The following MAK variants were observed in gnomAD, a reference collection of about 807,000 sequenced individuals.
The protein encoded by MAK is serine/threonine-protein kinase MAK.
A neutral mutation model predicts 82.6 loss-of-function variants in MAK; 65 were observed. That is an observed-to-expected ratio of 0.79 (90% CI 0.64 to 0.97). The LOEUF (loss-of-function observed/expected upper bound fraction) is 0.97, where lower values mean the gene tolerates loss of function less well. Among genes scored for constraint, MAK ranks in the 50% least tolerant of loss-of-function variants. MAK has a pLI of 0.00. For missense variants in MAK, 703 were observed against 780.2 expected (o/e 0.90, Z 1.18); for synonymous variants, 250 against 274.2 (o/e 0.91, Z 0.87).
Position 10,793,403 on chromosome 6 carries a change from CA to C in MAK, c.1144-1557del. On this transcript the variant is annotated intron_variant, in intron 9 of 14. Transcript: ENST00000354489. The surrounding 1 kb of genome is among the most constrained non-coding windows in gnomAD (Gnocchi z 4.6). Reference sequence around the variant, plus strand: ...TCTATTCATCATGAAGATTCAGGAGCAAAACAGACAACTAAACAAATACACA... The same window carrying C: ...TCTATTCATCATGAAGATTCAGGAGCAAACAGACAACTAAACAAATACACA... Among the ~76,000 whole-genome samples, 1 of 152,012 alleles carries C rather than the reference CA, an allele frequency of 6.6e-6. No homozygotes were observed. The highest frequency in any genetic ancestry group is 1.9e-4 in the East Asian group (1 of 5,190).
intron 10 of MAK, among the ~76,000 whole-genome samples, chr6:10,790,975 A>T (rs151140606): frequency 1.6e-4 from 24 of 152,248 alleles, no homozygotes; most frequent in Admixed American, 4.6e-4. Flanking sequence ...TTGCCATGTG[A>T]CAGGCTGGAT....
intron 1 of MAK, chr6:10,838,182 C>G (rs914114732): frequency 6.6e-6 from 1 of 152,294 alleles, no homozygotes; most frequent in African/African-American, 2.4e-5. Flanking sequence ...GGCTAAGGGA[C>G]GCCCGGCCGT....
chr6:10,773,534 T>C (rs1480109890), intron 12 of MAK, among the ~76,000 whole-genome samples: 1 of 152,188 alleles, frequency 6.6e-6, no homozygotes, highest in Admixed American at 6.6e-5. Flanking sequence ...TCAAAGTTTT[T>C]TGATCCAATA....
At position 10,800,239 on chromosome 6, in the gene MAK, C is replaced by T. The variant is rs993977111; in HGVS notation, c.831+1653G>A. 6.6e-6 allele frequency among the ~76,000 whole-genome samples: 1 copy of T among 151,868 alleles called. No individual in the cohort carries two copies. The highest frequency in any genetic ancestry group is 2.4e-5 in the African/African-American group (1 of 41,330). On this transcript the variant is annotated intron_variant, in intron 8 of 14. Transcript: ENST00000354489. This position sits in a 1 kb window ranked among gnomAD's most constrained non-coding sequence, Gnocchi z 4.2. ...GGAGATCATGCCACTACACTCCAGC[C>T]TGGGCAACAGAAACTCCATCTCAAA...
rs533076711 is a variant in MAK at position 10,825,574 on chromosome 6, C to T, written c.101+4974G>A. Among the ~76,000 whole-genome samples the T allele has an allele frequency of 4.6e-5, 7 of 152,190 alleles. No individual in the cohort carries two copies. The South Asian group carries it at 1.5e-3, about 32-fold the overall frequency. On this transcript the variant is annotated intron_variant, in intron 2 of 14. Transcript: ENST00000354489. ...GCACCTCTGTTTTGAGATTTAAATG[C>T]AAATATTCAATTGACTAAAAGTCAT... is the stretch of plus-strand genomic sequence containing the variant.
In MAK at chr6:10,777,711, TC is replaced by T. The variant is rs532890114; in HGVS notation, c.1466-2253del. On this transcript the variant is annotated intron_variant, in intron 11 of 14. Coordinates refer to ENST00000354489, the MANE Select transcript of MAK (RefSeq NM_001242957.3). ...TGGAGTGCAATGGCGTGATCTCAGCTCACCAAAACCTCCACCTCCCAGGTTC... is the reference window on the plus strand; with the variant it reads ...TGGAGTGCAATGGCGTGATCTCAGCTACCAAAACCTCCACCTCCCAGGTTC... 8.5e-5 allele frequency among the ~76,000 whole-genome samples: 13 copies of T among 152,258 alleles called. No individual in the cohort carries two copies. In the South Asian group the frequency reaches 2.7e-3, roughly 32 times the overall value.
At chr6:10,772,934 A>G in intron 13 of MAK, 100 bp downstream of exon 13, 4 of 760,006 alleles carry the variant, frequency 5.3e-6, no homozygotes, top group Non-Finnish European at 9.0e-6. Context: ...AAAGCGGATC[A>G]TCTCGGCCTT....
chr6:10,832,337 G>A (rs1778871213), intron 1 of MAK, among the ~76,000 whole-genome samples: 1 of 152,238 alleles, frequency 6.6e-6, no homozygotes, highest in African/African-American at 2.4e-5. Context: ...TGAGAAGACT[G>A]ACTTCAATTT....
intron 9 of MAK, among the ~76,000 whole-genome samples, chr6:10,792,240 G>A (rs1775151159): frequency 6.6e-6 from 1 of 152,184 alleles, no homozygotes; most frequent in Non-Finnish European, 1.5e-5. Flanking sequence ...GCTGGCATGT[G>A]CCAGCATCTT....
In MAK at chr6:10,803,752, T is replaced by G; in HGVS notation, c.631A>C (p.Lys211Gln). 1 of 1,614,092 alleles carries G rather than the reference T, an allele frequency of 6.2e-7. No individual in the cohort carries two copies. The highest frequency in any genetic ancestry group is 8.5e-7 in the Non-Finnish European group (1 of 1,180,012). ...GGAGTCCCTAAAACTTGGCAAATTT[T>G]AAAGATTTCATCGACCTCACTTGTC... is the stretch of plus-strand genomic sequence containing the variant. The part of the protein sequence containing the change: ...PGTSEVDEIF[K>Q]ICQVLGTPKK... Residue 211 changes from lysine to glutamine, a missense_variant, in exon 7 of 15, where the codon AAA becomes CAA. Transcript: ENST00000354489.
intron 9 of MAK, among the ~76,000 whole-genome samples, chr6:10,795,121 G>A (rs1003615968): frequency 6.6e-6 from 1 of 152,068 alleles, no homozygotes; most frequent in African/African-American, 2.4e-5. Context: ...TGGAGTACCC[G>A]ATTCTTTTAA....
intron 2 of MAK, chr6:10,826,448 C>G (rs140659492): frequency 6.6e-6 from 1 of 152,130 alleles, no homozygotes; most frequent in African/African-American, 2.4e-5. Flanking sequence ...TATTTTGTCC[C>G]GATCATGAAA....
chr6:10,834,439 A>G (rs1779021699), intron 1 of MAK, among the ~76,000 whole-genome samples: 1 of 152,190 alleles, frequency 6.6e-6, no homozygotes, highest in African/African-American at 2.4e-5. Flanking sequence ...CTTCTAAACA[A>G]GCCATTCTTA....
intron 2 of MAK, among the ~76,000 whole-genome samples, chr6:10,820,128 A>G (rs1186955359): frequency 1.3e-5 from 2 of 152,100 alleles, no homozygotes; most frequent in African/African-American, 4.8e-5. Flanking sequence ...AAAAATTTAA[A>G]AAAAACAGGA....
chr6:10,783,680 T>C (rs1354957245), intron 11 of MAK, among the ~76,000 whole-genome samples: 1 of 152,180 alleles, frequency 6.6e-6, no homozygotes, highest in Non-Finnish European at 1.5e-5. Context: ...TTTGCCTCTC[T>C]TGAGTTCCCA....
Position 10,795,287 on chromosome 6 carries a change from C to G in MAK, c.1143+711G>C, listed in dbSNP as rs1329407610. On this transcript the variant is annotated intron_variant, in intron 9 of 14. Coordinates refer to ENST00000354489, the MANE Select transcript of MAK (RefSeq NM_001242957.3). ...GCCAACATGGTCTCCACTAAAAATA[C>G]AAAAATTAGCTGGGTGTGGTGGTGG... 2.0e-5 allele frequency among the ~76,000 whole-genome samples: 3 copies of G among 150,926 alleles called. No homozygotes were observed. The East Asian group carries it at 5.9e-4, about 30-fold the overall frequency.
At chr6:10,801,797 C>T in intron 8 of MAK, 95 bp downstream of exon 8, 1 of 1,184,416 alleles carries the variant, frequency 8.4e-7, no homozygotes, top group East Asian at 2.3e-5. Context: ...TAGTAAAATC[C>T]TGGTTGAGAA....
At chr6:10,815,945 T>TATATATATAAAA (rs1171616235) in intron 4 of MAK, among the ~76,000 whole-genome samples, 2 of 116,826 alleles carry the variant, frequency 1.7e-5, no homozygotes, top group African/African-American at 7.5e-5. Flanking sequence ...TATATATATA[T>TATATATATAAAA]ATGTATGTTT....
In MAK at chr6:10,830,641, C is replaced by T. The variant is rs752676297; in HGVS notation, c.8G>A (p.Arg3Gln). The part of the protein sequence containing the change: MN[R>Q]YTTMRQLGDG... ...CCCCAACTGTCTCATGGTTGTGTAT[C>T]GGTTCATCTTGGAAAAATAATGCAG... is the stretch of plus-strand genomic sequence containing the variant. The change falls in exon 2 of 15, where the codon CGA becomes CAA. Residue 3 changes from arginine to glutamine, a missense_variant. Arg to Gln is a conservative substitution (Grantham distance 43, BLOSUM62 1). Coordinates refer to ENST00000354489, the MANE Select transcript of MAK (RefSeq NM_001242957.3). 49 of 1,613,188 alleles carry T rather than the reference C, an allele frequency of 3.0e-5. No homozygotes were observed. The South Asian group carries it at 4.0e-4, about 13-fold the overall frequency.
Sources: gnomAD v4.1 joint callset for allele counts (sites outside exome capture counted in the v4.1 genomes callset) on GRCh38, gnomAD v4.1.1 for gene constraint, Gnocchi (gnomAD v3.1) non-coding constraint, MANE v1.5 for transcripts, NCBI Gene and HGNC (gene_info 2026-07-23, HGNC 2026-07-21) for gene names.